Variants in RNGTT observed in about 807,000 individuals in gnomAD.
RNGTT encodes the protein mRNA-capping enzyme.
Under a neutral mutation model 79.3 loss-of-function variants are expected in RNGTT, and 33 were observed. That is an observed-to-expected ratio of 0.42 (90% confidence interval 0.32 to 0.56). The LOEUF is 0.56. Ranked by LOEUF, RNGTT falls within the 20% of genes least tolerant of loss-of-function variation. The pLI is 0.17. For missense variants in RNGTT, 497 were observed against 739.1 expected (o/e 0.67, Z 3.80); for synonymous variants, 222 against 235.9 (o/e 0.94, Z 0.54).
chr6:88,664,875 C>T (rs969183951), intron 14 of RNGTT, among the ~76,000 whole-genome samples: 4 of 152,118 alleles, frequency 2.6e-5, no homozygotes, highest in African/African-American at 9.7e-5. Context: ...GCTGAACATT[C>T]AGTAGTGACC....
intron 13 of RNGTT, among the ~76,000 whole-genome samples, chr6:88,747,483 T>C (rs753141399): frequency 6.6e-6 from 1 of 152,136 alleles, no homozygotes; most frequent in East Asian, 1.9e-4. Flanking sequence ...ACTACTGTGG[T>C]AGAAGCGAGG....
intron 8 of RNGTT, among the ~76,000 whole-genome samples, chr6:88,885,167 G>A (rs1782817406): frequency 6.6e-6 from 1 of 151,854 alleles, no homozygotes; most frequent in South Asian, 2.1e-4. Flanking sequence ...CTTCTGAGAG[G>A]GCCTAGAAGA....
At chr6:88,771,532 T>C (rs912301155) in intron 12 of RNGTT, among the ~76,000 whole-genome samples, 1 of 151,924 alleles carries the variant, frequency 6.6e-6, no homozygotes, top group Non-Finnish European at 1.5e-5. Context: ...ATGTAGCATT[T>C]ACATTTCCAC....
At chr6:88,816,505 C>A (rs1026998712) in intron 11 of RNGTT, among the ~76,000 whole-genome samples, 1 of 151,952 alleles carries the variant, frequency 6.6e-6, no homozygotes, top group African/African-American at 2.4e-5. Context: ...ATGAACAGAA[C>A]GAGTGGGACA....
Position 88,654,166 on chromosome 6 carries a change from T to A in RNGTT, c.1506+24187A>T, listed in dbSNP as rs147191190. Among the ~76,000 whole-genome samples, 16 of 152,288 alleles carry A rather than the reference T, an allele frequency of 1.1e-4. No homozygotes were observed. The East Asian group carries it at 2.9e-3, about 28-fold the overall frequency. On this transcript the variant is annotated intron_variant, in intron 14 of 15. Coordinates refer to ENST00000369485, the MANE Select transcript of RNGTT (RefSeq NM_003800.5). ...CAACTTAATAGCTATTGCATGGAAG[T>A]AGGGAGAATTTAGTATCCATAAGGT...
chr6:88,647,082 C>G (rs2127775844), intron 14 of RNGTT, among the ~76,000 whole-genome samples: 1 of 151,858 alleles, frequency 6.6e-6, no homozygotes, highest in East Asian at 1.9e-4. Flanking sequence ...ATAAGTTGAA[C>G]CATTGAGGCC....
chr6:88,715,292 A>G (rs181700390), intron 13 of RNGTT, among the ~76,000 whole-genome samples: 1 of 152,304 alleles, frequency 6.6e-6, no homozygotes, highest in East Asian at 1.9e-4. Context: ...ACAACTACAA[A>G]CCACTGCTCA....
chr6:88,846,757 CAAAAAAAA>C (rs200193188), intron 10 of RNGTT, among the ~76,000 whole-genome samples: 1 of 113,680 alleles, frequency 8.8e-6, no homozygotes, highest in African/African-American at 3.2e-5. Context: ...AAGACTGTCT[CAAAAAAAA>C]AAAAAAAAAT....
At chr6:88,745,701 T>C (rs866555803) in intron 13 of RNGTT, among the ~76,000 whole-genome samples, 19 of 151,938 alleles carry the variant, frequency 1.3e-4, no homozygotes, top group Admixed American at 6.6e-5. Flanking sequence ...CTTCATTACA[T>C]GGCTGGAAAA....
At chr6:88,635,892 C>T (rs190899006) in intron 14 of RNGTT, among the ~76,000 whole-genome samples, 11 of 152,132 alleles carry the variant, frequency 7.2e-5, no homozygotes, top group South Asian at 2.1e-4. Flanking sequence ...ATATATGCTA[C>T]CATGAGATCA....
chr6:88,791,697 A>G (rs930782897), intron 12 of RNGTT, among the ~76,000 whole-genome samples: 12 of 151,554 alleles, frequency 7.9e-5, no homozygotes, highest in African/African-American at 1.7e-4. Context: ...CCACCACCAC[A>G]CCCGGCTAAT....
intron 11 of RNGTT, among the ~76,000 whole-genome samples, chr6:88,803,612 T>A (rs562358172): frequency 7.4e-4 from 111 of 149,224 alleles, no homozygotes; most frequent in Non-Finnish European, 1.3e-3. Context: ...ATTCATAGCA[T>A]TTCTGCTGAG....
chr6:88,808,888 C>A (rs944515726), intron 11 of RNGTT, among the ~76,000 whole-genome samples: 1 of 151,778 alleles, frequency 6.6e-6, no homozygotes, highest in Non-Finnish European at 1.5e-5. Flanking sequence ...GCCTGGGAAG[C>A]GGAGGTTGCA....
chr6:88,687,206 T>C (rs552826165), intron 13 of RNGTT, among the ~76,000 whole-genome samples: 197 of 152,220 alleles, frequency 1.3e-3, no homozygotes, highest in African/African-American at 4.5e-3. Context: ...CACTTGTAAC[T>C]AGAAAAATGC....
At chr6:88,647,047 A>G (rs951096682) in intron 14 of RNGTT, among the ~76,000 whole-genome samples, 3 of 90,134 alleles carry the variant, frequency 3.3e-5, no homozygotes, top group Non-Finnish European at 5.7e-5. Flanking sequence ...AAAATAAAGT[A>G]AATAAATAAA....
At chr6:88,856,144 G>A (rs1781837993) in intron 8 of RNGTT, among the ~76,000 whole-genome samples, 1 of 152,062 alleles carries the variant, frequency 6.6e-6, no homozygotes, top group South Asian at 2.1e-4. Flanking sequence ...AAATAAATCT[G>A]TTCATCTTAT....
At chr6:88,664,218 C>T (rs1774299727) in intron 14 of RNGTT, among the ~76,000 whole-genome samples, 1 of 152,118 alleles carries the variant, frequency 6.6e-6, no homozygotes, top group Non-Finnish European at 1.5e-5. Context: ...CAAAAGGCCA[C>T]AAACGTAAAC....
At chr6:88,745,010 TA>T (rs1446428435) in intron 13 of RNGTT, among the ~76,000 whole-genome samples, 1 of 152,128 alleles carries the variant, frequency 6.6e-6, no homozygotes, top group African/African-American at 2.4e-5. Flanking sequence ...TTCCTGGAAA[TA>T]AAAAATTACC....
chr6:88,704,261 A>AAAAAAC lies in RNGTT; in HGVS notation c.1440-25843_1440-25842insGTTTTT, dbSNP rs1422167346. Among the ~76,000 whole-genome samples the AAAAAAC allele has an allele frequency of 9.3e-3, 943 of 101,942 alleles. 65 individuals are homozygous for AAAAAAC. Among genetic ancestry groups the AAAAAAC allele is most frequent in the African/African-American group, 0.075 (881 of 11,738 alleles). 66.9% of individuals were successfully genotyped at this position (101,942 alleles called of 152,430 possible). On this transcript the variant is annotated intron_variant, in intron 13 of 15. Coordinates refer to ENST00000369485, the MANE Select transcript of RNGTT (RefSeq NM_003800.5). ...GGTGACAGAGCGAGACTCTGTCTCA[A>AAAAAAC]AAAAAAAAAAAAAAAAAAAAAAAAA... is the stretch of plus-strand genomic sequence containing the variant.
Sources: gnomAD v4.1 joint callset for allele counts (sites outside exome capture counted in the v4.1 genomes callset) on GRCh38, gnomAD v4.1.1 for gene constraint, MANE v1.5 for transcripts, NCBI Gene and HGNC (gene_info 2026-07-23, HGNC 2026-07-21) for gene names.